SSBP2: variants seen among roughly 807,000 people sequenced by gnomAD.
SSBP2 encodes single-stranded DNA-binding protein 2.
SSBP2 carries 17 observed loss-of-function variants against 61.8 expected under a neutral mutation model. The ratio of observed to expected loss-of-function variants is 0.28; its 90% CI spans 0.19 to 0.41. SSBP2 has a LOEUF of 0.41. Ranked by LOEUF, SSBP2 falls within the 10% of genes least tolerant of loss-of-function variation. The probability of loss-of-function intolerance (pLI) is 1.00; values close to 1 mark genes in which losing one functional copy is unlikely to be tolerated. For missense variants in SSBP2, 310 were observed against 458.7 expected, an observed-to-expected ratio of 0.68 and a Z score of 2.96; for synonymous variants, 139 against 141.3, an observed-to-expected ratio of 0.98 and a Z score of 0.12.
intron 4 of SSBP2, among the ~76,000 whole-genome samples, chr5:81,589,027 T>C (rs1016703665): frequency 6.6e-6 from 1 of 152,210 alleles, no homozygotes. Flanking sequence ...ACTGTGCCAC[T>C]GCACTCAGTC....
intron 14 of SSBP2, chr5:81,437,677 T>A: frequency 7.0e-6 from 2 of 287,400 alleles, no homozygotes; most frequent in Non-Finnish European, 1.3e-5. Flanking sequence ...TTCCCAATCG[T>A]TTTTTTTTTA....
chr5:81,594,683 G>C (rs541378180), intron 4 of SSBP2, among the ~76,000 whole-genome samples: 1 of 152,198 alleles, frequency 6.6e-6, no homozygotes, highest in African/African-American at 2.4e-5. Flanking sequence ...TCAGGATTAA[G>C]AAACTCACTC....
At chr5:81,493,698 G>A (rs749598274) in intron 5 of SSBP2, among the ~76,000 whole-genome samples, 55 of 151,972 alleles carry the variant, frequency 3.6e-4, no homozygotes, top group Non-Finnish European at 6.9e-4. Flanking sequence ...CGGGGTTGCA[G>A]TGAGCCAAGA....
chr5:81,588,024 G>A (rs891887262), intron 4 of SSBP2, among the ~76,000 whole-genome samples: 3 of 152,076 alleles, frequency 2.0e-5, no homozygotes, highest in Non-Finnish European at 4.4e-5. Context: ...GAGTGCAGTG[G>A]CACAATCACA....
At chr5:81,497,363 C>G (rs1767367725) in intron 5 of SSBP2, among the ~76,000 whole-genome samples, 1 of 152,118 alleles carries the variant, frequency 6.6e-6, no homozygotes, top group South Asian at 2.1e-4. Flanking sequence ...AGCAAATGTT[C>G]AGTAAATATT....
At chr5:81,750,669 G>A (rs1561759537) in intron 1 of SSBP2, 2 of 379,056 alleles carry the variant, frequency 5.3e-6, no homozygotes, top group Non-Finnish European at 4.8e-6. Context: ...TACTTTGGAA[G>A]GTGAACCCGC....
At chr5:81,575,889 A>G (rs1774176716) in intron 4 of SSBP2, among the ~76,000 whole-genome samples, 1 of 152,210 alleles carries the variant, frequency 6.6e-6, no homozygotes, top group Non-Finnish European at 1.5e-5. Context: ...ATAGTGTTCT[A>G]CAGATGTGAT....
chr5:81,575,110 A>G (rs1464324254), intron 4 of SSBP2, among the ~76,000 whole-genome samples: 1 of 152,190 alleles, frequency 6.6e-6, no homozygotes, highest in Non-Finnish European at 1.5e-5. Context: ...TCTACTAAAA[A>G]TACAAAAATT....
At chr5:81,586,461 TATTA>T in intron 4 of SSBP2, among the ~76,000 whole-genome samples, 1 of 152,282 alleles carries the variant, frequency 6.6e-6, no homozygotes, top group Non-Finnish European at 1.5e-5. Context: ...TATTTCATAA[TATTA>T]ATTATTAAGC....
At chr5:81,677,470 A>C (rs1038440386) in intron 1 of SSBP2, among the ~76,000 whole-genome samples, 1 of 152,098 alleles carries the variant, frequency 6.6e-6, no homozygotes, top group Non-Finnish European at 1.5e-5. Flanking sequence ...AGGAAAATCT[A>C]ATCTGTAATT....
chr5:81,736,339 G>C (rs1756626694), intron 1 of SSBP2, among the ~76,000 whole-genome samples: 1 of 152,236 alleles, frequency 6.6e-6, no homozygotes, highest in African/African-American at 2.4e-5. Context: ...GCCTGGCACA[G>C]AGCAGGATGC....
chr5:81,508,535 T>C (rs1334083035), intron 5 of SSBP2, among the ~76,000 whole-genome samples: 1 of 152,200 alleles, frequency 6.6e-6, no homozygotes, highest in Non-Finnish European at 1.5e-5. Context: ...AGTTTAAGTA[T>C]GAACAATGTC....
chr5:81,521,286 C>T (rs1769462995), intron 4 of SSBP2, among the ~76,000 whole-genome samples: 1 of 151,950 alleles, frequency 6.6e-6, no homozygotes, highest in Non-Finnish European at 1.5e-5. Context: ...TTTAGGCATA[C>T]ATTTTTGTTT....
intron 10 of SSBP2, among the ~76,000 whole-genome samples, chr5:81,454,771 T>C (rs1051951639): frequency 6.6e-6 from 1 of 151,804 alleles, no homozygotes; most frequent in Non-Finnish European, 1.5e-5. Flanking sequence ...TACATATATA[T>C]ATATATTTCT....
In SSBP2 at chr5:81,612,061, G is replaced by GT. The variant is rs974364841; in HGVS notation, c.282+3411dup. ...GAGAACTTTTGGAGGTGACAGATAAGTTTATGGCATTGGTTGTGATGATGG... is the reference window on the plus strand; with the variant it reads ...GAGAACTTTTGGAGGTGACAGATAAGTTTTATGGCATTGGTTGTGATGATGG... On this transcript the variant is annotated intron_variant, in intron 4 of 16. Transcript: ENST00000320672. 3.0e-4 allele frequency among the ~76,000 whole-genome samples: 46 copies of GT among 152,116 alleles called. 1 individual carries two copies. The highest frequency in any genetic ancestry group is 1.2e-4 in the Non-Finnish European group (8 of 67,964).
Position 81,513,645 on chromosome 5 carries a change from G to A in SSBP2, c.355C>T (p.Pro119Ser). 1 of 1,610,908 alleles carries A rather than the reference G, an allele frequency of 6.2e-7. No individual in the cohort carries two copies. The highest frequency in any genetic ancestry group is 8.5e-7 in the Non-Finnish European group (1 of 1,177,382). The change falls in exon 5 of 17, where the codon CCA becomes TCA. Residue 119 changes from proline to serine, a missense_variant. This residue lies in a region of SSBP2 where 209 missense variants were observed against 286.4 expected (regional missense o/e 0.73). Coordinates refer to ENST00000320672, the MANE Select transcript of SSBP2 (RefSeq NM_012446.5). ...CTGAGTACCTGAAAGAACCCTGGTG[G>A]TACAGGACCTACTGGCATGCCATCT... is the stretch of plus-strand genomic sequence containing the variant.
At chr5:81,729,286 C>T (rs1756099787) in intron 1 of SSBP2, among the ~76,000 whole-genome samples, 1 of 152,010 alleles carries the variant, frequency 6.6e-6, no homozygotes, top group Non-Finnish European at 1.5e-5. Flanking sequence ...AGCCTACCTT[C>T]AAATAGGTTG....
At chr5:81,513,571 A>G (rs966443095) in intron 5 of SSBP2, 57 bp downstream of exon 5, 4 of 1,070,200 alleles carry the variant, frequency 3.7e-6, no homozygotes, top group Non-Finnish European at 5.7e-6. Context: ...TATCTTTAAT[A>G]AAATCAAACA....
intron 10 of SSBP2, among the ~76,000 whole-genome samples, chr5:81,457,334 C>T (rs1236397020): frequency 1.3e-5 from 2 of 152,070 alleles, no homozygotes; most frequent in Non-Finnish European, 2.9e-5. Context: ...AAAGAAAAAA[C>T]AACTCTGTTA....
Sources: allele counts gnomAD v4.1 joint callset (sites outside exome capture counted in the v4.1 genomes callset), GRCh38; gene constraint gnomAD v4.1.1; regional missense constraint gnomAD v4.1.1; transcripts MANE v1.5; gene names NCBI Gene and HGNC (gene_info 2026-07-23, HGNC 2026-07-21).